The following UBE3C variants were observed in gnomAD, a reference collection of about 807,000 sequenced individuals.
The protein encoded by UBE3C is ubiquitin protein ligase E3C, also known as ubiquitin-protein ligase E3C.
Under a neutral mutation model 129.4 loss-of-function variants are expected in UBE3C, and 42 were observed. The observed-to-expected ratio is 0.32, with a 90% CI of 0.25 to 0.42. The LOEUF (loss-of-function observed/expected upper bound fraction) is 0.42, where lower values mean the gene tolerates loss of function less well. UBE3C is among the 10% of genes least tolerant of loss of function. UBE3C has a pLI of 1.00. For missense variants in UBE3C, 1,049 were observed against 1,319.1 expected, an observed-to-expected ratio of 0.80 and a Z score of 3.17; for synonymous variants, 510 against 492.4, an observed-to-expected ratio of 1.04 and a Z score of -0.47.
At chr7:157,163,113 C>T (rs1473291974) in intron 1 of UBE3C, among the ~76,000 whole-genome samples, 6 of 151,856 alleles carry the variant, frequency 4.0e-5, no homozygotes, top group South Asian at 2.1e-4. Context: ...TGGCCGGGCG[C>T]GGTGGTTCAC....
chr7:157,231,327 G>A lies in UBE3C; in HGVS notation c.2481G>A (p.Lys827=). ...ACTTCCTAGGCAGAATGCTTGGAAAGGTAAAGTAACCTTCATATAAAAATA... is the reference window on the plus strand; with the variant it reads ...ACTTCCTAGGCAGAATGCTTGGAAAAGTAAAGTAACCTTCATATAAAAATA... The part of the protein sequence containing the change: ...HYYFLGRMLG[K]ALYENMLVEL... The change falls in exon 18 of 23, where the codon AAG becomes AAA. Residue 827 remains lysine (K), a splice_region_variant and synonymous_variant. Transcript: ENST00000348165. 1 of 1,613,148 alleles carries A rather than the reference G, an allele frequency of 6.2e-7. No individual in the cohort carries two copies. Among genetic ancestry groups the A allele is most frequent in the Non-Finnish European group, 8.5e-7 (1 of 1,179,694 alleles).
chr7:157,236,102 T>C (rs957314540), intron 18 of UBE3C, among the ~76,000 whole-genome samples: 7 of 152,266 alleles, frequency 4.6e-5, no homozygotes, highest in African/African-American at 1.7e-4. Flanking sequence ...ATGTCACTGG[T>C]CACTTCTCAA....
chr7:157,222,093 A>C (rs1795753104), intron 15 of UBE3C: 1 of 151,948 alleles, frequency 6.6e-6, no homozygotes. Context: ...CTGGCCTTTA[A>C]CTCCTGGGCT....
At chr7:157,243,640 C>T (rs563473607) in intron 18 of UBE3C, among the ~76,000 whole-genome samples, 3 of 152,200 alleles carry the variant, frequency 2.0e-5, no homozygotes, top group South Asian at 4.1e-4. Context: ...TGGGACAACA[C>T]GGATTTTTTA....
rs574796117 is a variant in UBE3C at position 157,217,190 on chromosome 7, A to G, written c.1914+219A>G. On this transcript the variant is annotated intron_variant, in intron 14 of 22. Coordinates refer to ENST00000348165, the MANE Select transcript of UBE3C (RefSeq NM_014671.3). Reference sequence around the variant, plus strand: ...TGATATTCTGAGTTATTAATCCTCAATTTTCCTTTTTAACCTGAGATTATA... The same window carrying G: ...TGATATTCTGAGTTATTAATCCTCAGTTTTCCTTTTTAACCTGAGATTATA... The G allele has an allele frequency of 2.2e-3, 858 of 389,326 alleles. 1 individual carries two copies. The highest frequency in any genetic ancestry group is 3.2e-3 in the Non-Finnish European group (697 of 217,914). The allele number at this position is 389,326 out of a possible 1,614,324, so 24.1% of individuals were successfully genotyped here. A position where few individuals can be genotyped will look rare whatever the true frequency, so the allele number is the denominator to read the frequency against.
At chr7:157,153,727 G>A (rs932455890) in intron 1 of UBE3C, among the ~76,000 whole-genome samples, 2 of 151,942 alleles carry the variant, frequency 1.3e-5, no homozygotes, top group Non-Finnish European at 2.9e-5. Context: ...TTTTCCTCCC[G>A]GCACTCTGGG....
chr7:157,224,005 G>A (rs1241651759), intron 16 of UBE3C, among the ~76,000 whole-genome samples: 1 of 151,940 alleles, frequency 6.6e-6, no homozygotes, highest in Admixed American at 6.6e-5. Flanking sequence ...TTATTTATCA[G>A]AAACGATGTT....
At chr7:157,154,355 A>G (rs1490753319) in intron 1 of UBE3C, among the ~76,000 whole-genome samples, 1 of 151,990 alleles carries the variant, frequency 6.6e-6, no homozygotes, top group African/African-American at 2.4e-5. Context: ...TCTAAAGAGT[A>G]TCCATGAAAT....
At chr7:157,180,202 A>G (rs141107969) in intron 6 of UBE3C, among the ~76,000 whole-genome samples, 3 of 152,198 alleles carry the variant, frequency 2.0e-5, no homozygotes, top group African/African-American at 7.2e-5. Context: ...TAGTATTACC[A>G]TTATTTGTAT....
At chr7:157,231,522 ACT>A in intron 18 of UBE3C, 195 bp downstream of exon 18, 1 of 706,636 alleles carries the variant, frequency 1.4e-6, no homozygotes, top group Non-Finnish European at 2.2e-6. Flanking sequence ...TCCCCTCCAA[ACT>A]CATGTTGAAA....
Position 157,267,665 on chromosome 7 carries a change from G to A in UBE3C, c.3162G>A (p.Leu1054=), listed in dbSNP as rs1797116890. 6.2e-7 allele frequency: 1 copy of A among 1,613,730 alleles called. No homozygotes were observed. Among genetic ancestry groups the A allele is most frequent in the Non-Finnish European group, 8.5e-7 (1 of 1,179,900 alleles). Residue 1054 remains leucine, a synonymous_variant, in exon 23 of 23, where the codon CTG becomes CTA. Transcript: ENST00000348165. The part of the protein sequence containing the change: ...RLPTASTCMN[L]LKLPEFYDET... The stretch of plus-strand genomic sequence containing the variant: ...CCACAGCCAGCACCTGCATGAACCT[G>A]CTGAAGCTCCCCGAGTTCTATGACG...
chr7:157,228,292 C>G (rs956671740), intron 17 of UBE3C, among the ~76,000 whole-genome samples: 2 of 152,190 alleles, frequency 1.3e-5, no homozygotes, highest in African/African-American at 4.8e-5. Flanking sequence ...GGGATGCCCA[C>G]GCACTCCCAG....
intron 1 of UBE3C, among the ~76,000 whole-genome samples, chr7:157,140,912 CACT>C (rs2116772886): frequency 6.6e-6 from 1 of 152,312 alleles, no homozygotes; most frequent in African/African-American, 2.4e-5. Flanking sequence ...GGTTCACAAA[CACT>C]AAAGAGATCC....
intron 2 of UBE3C, among the ~76,000 whole-genome samples, chr7:157,165,074 T>C (rs1808177502): frequency 6.6e-6 from 1 of 152,198 alleles, no homozygotes; most frequent in Non-Finnish European, 1.5e-5. Context: ...ACCTCAGTTG[T>C]GACAACCAAA....
intron 18 of UBE3C, among the ~76,000 whole-genome samples, chr7:157,241,288 C>T (rs1285348514): frequency 1.3e-5 from 2 of 152,132 alleles, no homozygotes; most frequent in Non-Finnish European, 2.9e-5. Flanking sequence ...ATGAACTGGA[C>T]TTAAAAATGT....
intron 22 of UBE3C, among the ~76,000 whole-genome samples, chr7:157,261,617 A>C (rs1247622219): frequency 6.6e-6 from 1 of 152,230 alleles, no homozygotes; most frequent in Non-Finnish European, 1.5e-5. Context: ...CTGCAGAATT[A>C]ATGTAGACTT....
intron 10 of UBE3C, among the ~76,000 whole-genome samples, chr7:157,193,775 G>A (rs1296383902): frequency 6.7e-6 from 1 of 149,000 alleles, no homozygotes; most frequent in East Asian, 2.0e-4. Flanking sequence ...TCTGTTCATT[G>A]TGACATCTTT....
intron 19 of UBE3C, among the ~76,000 whole-genome samples, chr7:157,252,169 C>T (rs139627342): frequency 6.7e-4 from 102 of 152,160 alleles, no homozygotes; most frequent in African/African-American, 2.1e-3. Flanking sequence ...TGTCAGTTTT[C>T]TCTGATCAGG....
At chr7:157,143,995 C>T (rs974028655) in intron 1 of UBE3C, among the ~76,000 whole-genome samples, 8 of 152,144 alleles carry the variant, frequency 5.3e-5, no homozygotes, top group Admixed American at 2.0e-4. Flanking sequence ...GAGTGACAGG[C>T]AATGCCAAGT....
Sources: allele counts gnomAD v4.1 joint callset (sites outside exome capture counted in the v4.1 genomes callset), GRCh38; gene constraint gnomAD v4.1.1; transcripts MANE v1.5; gene names NCBI Gene and HGNC (gene_info 2026-07-23, HGNC 2026-07-21).